IDO2: variants seen among roughly 807,000 people sequenced by gnomAD.
IDO2 encodes the protein indoleamine 2,3-dioxygenase 2, also known as indoleamine 2,3-dioxygenase-like 1 protein.
Under a neutral mutation model 45.1 loss-of-function variants are expected in IDO2, and 46 were observed. The ratio of observed to expected loss-of-function variants is 1.02; its 90% confidence interval spans 0.80 to 1.30. The LOEUF is 1.30. IDO2 is among the 50% of genes most tolerant of loss of function. The probability of loss-of-function intolerance (pLI) is 0.00; values close to 1 mark genes in which losing one functional copy is unlikely to be tolerated. For missense variants in IDO2, 544 were observed against 491.8 expected (o/e 1.11, Z -1.00); for synonymous variants, 218 against 184.9 (o/e 1.18, Z -1.45).
chr8:39,957,070 T>A (rs61267348), intron 2 of IDO2, among the ~76,000 whole-genome samples: 25,627 of 121,264 alleles, frequency 0.21, 2,702 homozygotes, highest in East Asian at 0.35. Context: ...AAAAAAGAGA[T>A]CAATAAATAA....
At chr8:39,972,484 C>T (rs1489165974) in intron 3 of IDO2, among the ~76,000 whole-genome samples, 1 of 151,782 alleles carries the variant, frequency 6.6e-6, no homozygotes, top group Non-Finnish European at 1.5e-5. Context: ...GTGGCAGGCT[C>T]CTGTGATCCC....
intron 3 of IDO2, among the ~76,000 whole-genome samples, chr8:39,965,511 CAAAT>C (rs1279861258): frequency 3.7e-5 from 5 of 134,738 alleles, no homozygotes; most frequent in Admixed American, 1.6e-4. Flanking sequence ...AACAAACAAA[CAAAT>C]ATATATATAT....
intron 2 of IDO2, among the ~76,000 whole-genome samples, chr8:39,962,237 G>T (rs1808009774): frequency 6.6e-6 from 1 of 152,074 alleles, no homozygotes; most frequent in African/African-American, 2.4e-5. Context: ...TAAGCCCCCA[G>T]CCCCAAATTT....
chr8:39,979,121 C>T (rs1808303526), exon 4 of IDO2: 1 of 1,603,090 alleles, frequency 6.2e-7, no homozygotes. Flanking sequence ...GCGCCTGGCC[C>T]ACCTGGTCCT....
At chr8:39,983,397 A>G (rs1808381652) in intron 5 of IDO2, among the ~76,000 whole-genome samples, 1 of 152,232 alleles carries the variant, frequency 6.6e-6, no homozygotes, top group Admixed American at 6.5e-5. Flanking sequence ...AATTTATTTC[A>G]GCTCTAGATG....
intron 8 of IDO2, chr8:39,998,075 G>A (rs1802078018): frequency 4.4e-6 from 1 of 226,960 alleles, no homozygotes; most frequent in Non-Finnish European, 9.3e-6. Flanking sequence ...GTTTCTGAGG[G>A]ATAATTTCAG....
chr8:40,009,068 G>A (rs539384856), intron 9 of IDO2, among the ~76,000 whole-genome samples: 131 of 152,060 alleles, frequency 8.6e-4, no homozygotes, highest in African/African-American at 2.8e-3. Flanking sequence ...AGGCTGGAGC[G>A]CAATGGCGCA....
At chr8:39,966,520 T>A (rs1187578886) in intron 3 of IDO2, among the ~76,000 whole-genome samples, 1 of 152,152 alleles carries the variant, frequency 6.6e-6, no homozygotes, top group Non-Finnish European at 1.5e-5. Flanking sequence ...GATGGAGCTA[T>A]AACAAAAACA....
exon 2 of IDO2, chr8:39,949,202 C>T: frequency 6.2e-7 from 1 of 1,608,304 alleles, no homozygotes; most frequent in South Asian, 1.1e-5. Context: ...GACAGCAGTG[C>T]CATTGTCTTT....
intron 3 of IDO2, among the ~76,000 whole-genome samples, chr8:39,964,690 C>G (rs969753393): frequency 2.6e-5 from 4 of 152,154 alleles, no homozygotes; most frequent in Non-Finnish European, 5.9e-5. Flanking sequence ...AGATAGCAAA[C>G]TAAACAGAGT....
chr8:39,955,504 C>T (rs1807879559), intron 2 of IDO2, among the ~76,000 whole-genome samples: 1 of 151,838 alleles, frequency 6.6e-6, no homozygotes, highest in Admixed American at 6.6e-5. Flanking sequence ...GATCCACCTG[C>T]CTTGGCATCT....
At chr8:39,992,190 T>C (rs1430625170) in intron 8 of IDO2, among the ~76,000 whole-genome samples, 2 of 152,124 alleles carry the variant, frequency 1.3e-5, no homozygotes, top group Non-Finnish European at 2.9e-5. Flanking sequence ...GTGTTGCCAA[T>C]AGAATGTAGT....
intron 8 of IDO2, among the ~76,000 whole-genome samples, chr8:40,001,095 C>T (rs1327047808): frequency 6.6e-6 from 1 of 152,060 alleles, no homozygotes; most frequent in Non-Finnish European, 1.5e-5. Flanking sequence ...TTTCAAAGTA[C>T]CGAGATTGAT....
At chr8:39,960,661 G>A (rs549864056) in intron 2 of IDO2, among the ~76,000 whole-genome samples, 1 of 152,266 alleles carries the variant, frequency 6.6e-6, no homozygotes, top group East Asian at 1.9e-4. Context: ...ATATATATTT[G>A]TGACTTCCTA....
intron 7 of IDO2, among the ~76,000 whole-genome samples, chr8:39,989,471 C>A (rs1383948799): frequency 1.3e-5 from 2 of 152,148 alleles, no homozygotes; most frequent in African/African-American, 4.8e-5. Context: ...AGTACTCAGG[C>A]CCTTGGGAGG....
intron 3 of IDO2, among the ~76,000 whole-genome samples, chr8:39,966,377 T>G (rs1808086055): frequency 6.6e-6 from 1 of 152,098 alleles, no homozygotes; most frequent in African/African-American, 2.4e-5. Flanking sequence ...TGAAGGCCAG[T>G]TTTTAGACTT....
At chr8:39,985,474 T>C in intron 5 of IDO2, 34 bp from the exon 6 acceptor site, 1 of 1,542,842 alleles carries the variant, frequency 6.5e-7, no homozygotes, top group Non-Finnish European at 8.8e-7. Context: ...TTTTTTTCTC[T>C]CTTGGTGGTC....
chr8:39,959,163 G>A (rs56747975), intron 2 of IDO2, among the ~76,000 whole-genome samples: 58,077 of 150,844 alleles, frequency 0.39, 12,299 homozygotes, highest in Non-Finnish European at 0.48. Flanking sequence ...AGGCTGGAGT[G>A]CAGTGGTGCG....
chr8:39,979,234 G>T (rs1193161454), intron 4 of IDO2, 48 bp downstream of exon 4: 1 of 1,551,692 alleles, frequency 6.4e-7, no homozygotes, highest in Non-Finnish European at 8.7e-7. Flanking sequence ...GGTTACCTGC[G>T]CCTGGAGTAA....
Sources: gnomAD v4.1 joint callset for allele counts (sites outside exome capture counted in the v4.1 genomes callset) on GRCh38, gnomAD v4.1.1 for gene constraint, MANE v1.5 for transcripts, NCBI Gene and HGNC (gene_info 2026-07-23, HGNC 2026-07-21) for gene names.